MICAL2: variants seen among roughly 807,000 people sequenced by gnomAD.
MICAL2 encodes the protein [F-actin]-monooxygenase MICAL2.
MICAL2 carries 77 observed loss-of-function variants against 127.3 expected under a neutral mutation model. That is an observed-to-expected ratio of 0.60 (90% CI 0.50 to 0.73). The LOEUF is 0.73. Ranked by LOEUF, MICAL2 falls within the 30% of genes least tolerant of loss-of-function variation. The pLI is 0.00. For synonymous variants in MICAL2, 570 were observed against 551.1 expected (o/e 1.03, Z -0.48); for missense variants, 1,351 against 1,434.4 (o/e 0.94, Z 0.94).
At chr11:12,227,334 C>T (rs977075961) in intron 15 of MICAL2, 13 of 540,832 alleles carry the variant, frequency 2.4e-5, no homozygotes, top group Non-Finnish European at 4.3e-5. Flanking sequence ...TCAATGACTT[C>T]AAAGTGGTTA....
chr11:12,245,260 T>G (rs1235506028), intron 21 of MICAL2, among the ~76,000 whole-genome samples: 1 of 151,712 alleles, frequency 6.6e-6, no homozygotes, highest in Non-Finnish European at 1.5e-5. Flanking sequence ...TCACAGCCAG[T>G]GCGTCTGGCT....
At chr11:12,118,626 A>G (rs567909052) in intron 1 of MICAL2, among the ~76,000 whole-genome samples, 14 of 152,342 alleles carry the variant, frequency 9.2e-5, no homozygotes, top group Non-Finnish European at 2.1e-4. Flanking sequence ...GAATCTGAGA[A>G]TAAACCTCAG....
In MICAL2 at chr11:12,170,061, C is replaced by T. The variant is rs574787652; in HGVS notation, c.264+7642C>T. Among the ~76,000 whole-genome samples, 176 of 152,156 alleles carry T rather than the reference C, an allele frequency of 1.2e-3. 5 individuals carry two copies. In the South Asian group the frequency reaches 0.036, roughly 31 times the overall value. ...AGCAGTGAAGTGGCAGGGATTACTG[C>T]CATCCTTGTAACAACAACAGTTTTA... On this transcript the variant is annotated intron_variant, in intron 3 of 27. Transcript: ENST00000683283.
rs546905847 is a variant in MICAL2 at position 12,155,357 on chromosome 11, A to G, written c.-77-6722A>G. On this transcript the variant is annotated intron_variant, in intron 2 of 27. Coordinates refer to ENST00000683283, the MANE Select transcript of MICAL2 (RefSeq NM_001282663.2). ...ACACATACATGTACATACACATGCT[A>G]CATATACATGTGTATTTGCGCACAC... 2.6e-5 allele frequency among the ~76,000 whole-genome samples: 4 copies of G among 152,360 alleles called. No individual in the cohort carries two copies. In the South Asian group the frequency reaches 8.3e-4, roughly 32 times the overall value.
intron 2 of MICAL2, among the ~76,000 whole-genome samples, chr11:12,157,317 T>G (rs1854297514): frequency 6.6e-6 from 1 of 152,196 alleles, no homozygotes; most frequent in Non-Finnish European, 1.5e-5. Context: ...GGACTCTGCA[T>G]AAACCTTGAG....
intron 2 of MICAL2, among the ~76,000 whole-genome samples, chr11:12,156,105 G>T (rs75704435): frequency 1.3e-5 from 2 of 152,316 alleles, no homozygotes; most frequent in East Asian, 3.9e-4. Context: ...GGCATAGAAG[G>T]CCAGGGCCTG....
intron 32 of MICAL2, among the ~76,000 whole-genome samples, chr11:12,341,467 CAA>C (rs75906702): frequency 6.7e-6 from 1 of 149,946 alleles, no homozygotes; most frequent in Non-Finnish European, 1.5e-5. Context: ...TAAAAACAAA[CAA>C]AAAAAAAGAC....
At chr11:12,295,174 C>G (rs1278917457), downstream of MICAL2, among the ~76,000 whole-genome samples, 1 of 149,048 alleles carries the variant, frequency 6.7e-6, no homozygotes, top group Non-Finnish European at 1.5e-5. Context: ...GAGTCTCACT[C>G]TATCACCCAG....
At chr11:12,236,612 C>T (rs1007187705) in intron 16 of MICAL2, among the ~76,000 whole-genome samples, 1 of 152,222 alleles carries the variant, frequency 6.6e-6, no homozygotes, top group African/African-American at 2.4e-5. Context: ...CATCAGCACT[C>T]CCACTTTTCT....
In MICAL2 at chr11:12,220,239, C is replaced by A. The variant is rs757144184; in HGVS notation, c.987C>A (p.Asn329Lys). 4 of 1,614,190 alleles carry A rather than the reference C, an allele frequency of 2.5e-6. No individual in the cohort carries two copies. Among genetic ancestry groups the A allele is most frequent in the South Asian group, 1.1e-5 (1 of 91,076 alleles). ...IDTEMLLCAE[N>K]VNQDNLLSYA... ...CAGAGATGCTGCTGTGTGCGGAGAACGTGAACCAAGACAACCTGCTATCCT... is the reference window on the plus strand; with the variant it reads ...CAGAGATGCTGCTGTGTGCGGAGAAAGTGAACCAAGACAACCTGCTATCCT... The change falls in exon 9 of 28, where the codon AAC becomes AAA. Residue 329 changes from asparagine to lysine, a missense_variant. Asn to Lys is a moderately conservative substitution (Grantham distance 94, BLOSUM62 0). Around this residue, in one of 2 missense-constraint regions of MICAL2, gnomAD observed 599 missense variants for 714.9 expected, o/e 0.84. Transcript: ENST00000683283.
intron 21 of MICAL2, among the ~76,000 whole-genome samples, chr11:12,244,920 G>C (rs150395229): frequency 7.9e-4 from 120 of 152,354 alleles, no homozygotes; most frequent in African/African-American, 2.9e-3. Flanking sequence ...CTGTGTTCTA[G>C]AAGTACAGCT....
Position 12,168,497 on chromosome 11 carries a change from C to T in MICAL2, c.264+6078C>T, listed in dbSNP as rs189296623. 7.9e-5 allele frequency among the ~76,000 whole-genome samples: 12 copies of T among 151,264 alleles called. No individual in the cohort carries two copies. In the East Asian group the frequency reaches 1.8e-3, roughly 22 times the overall value. On this transcript the variant is annotated intron_variant, in intron 3 of 27. Coordinates refer to ENST00000683283, the MANE Select transcript of MICAL2 (RefSeq NM_001282663.2). ...ACTTATACACACATATACATGCATA[C>T]ATACCACACACATACATAACACCAC...
At chr11:12,239,031 AG>A (rs1291569932) in intron 16 of MICAL2, among the ~76,000 whole-genome samples, 2 of 152,126 alleles carry the variant, frequency 1.3e-5, no homozygotes, top group African/African-American at 4.8e-5. Flanking sequence ...TCCTCTTCTC[AG>A]CCAGATGATG....
At chr11:12,127,770 A>C (rs1219874641) in intron 1 of MICAL2, among the ~76,000 whole-genome samples, 1 of 151,982 alleles carries the variant, frequency 6.6e-6, no homozygotes, top group Non-Finnish European at 1.5e-5. Context: ...AGATCTCCCT[A>C]GTGGCTTTGT....
In MICAL2 at chr11:12,216,497, G is replaced by A. The variant is rs550836143; in HGVS notation, c.948+178G>A. ...ATGAGTATTGGATAAAGGAGCCCAC[G>A]CCAATATGCACAGAGAATTTTCTGC... is the stretch of plus-strand genomic sequence containing the variant. On this transcript the variant is annotated intron_variant, in intron 8 of 27. Transcript: ENST00000683283. 873 of 597,616 alleles carry A rather than the reference G, an allele frequency of 1.5e-3. 3 individuals are homozygous for A. Among genetic ancestry groups the A allele is most frequent in the Non-Finnish European group, 2.1e-3 (704 of 334,778 alleles). 37.0% of individuals were successfully genotyped at this position (597,616 alleles called of 1,614,324 possible). A position where few individuals can be genotyped will look rare whatever the true frequency, so the allele number is the denominator to read the frequency against.
chr11:12,305,699 A>G (rs1039960175), intron 29 of MICAL2, among the ~76,000 whole-genome samples: 1 of 152,146 alleles, frequency 6.6e-6, no homozygotes, highest in Non-Finnish European at 1.5e-5. Context: ...GATAACTGAA[A>G]CTGAGGCAAG....
intron 24 of MICAL2, among the ~76,000 whole-genome samples, chr11:12,257,845 G>A (rs1220062587): frequency 1.3e-5 from 2 of 152,164 alleles, no homozygotes; most frequent in South Asian, 2.1e-4. Context: ...GGCTTGTCTG[G>A]AAGGCGCACA....
intron 1 of MICAL2, among the ~76,000 whole-genome samples, chr11:12,130,542 A>G (rs1851329475): frequency 6.6e-6 from 1 of 152,228 alleles, no homozygotes; most frequent in Non-Finnish European, 1.5e-5. Context: ...CTTAAGCAGA[A>G]GAATCTCCTG....
intron 1 of MICAL2, among the ~76,000 whole-genome samples, chr11:12,136,680 G>A (rs931065891): frequency 6.6e-6 from 1 of 152,090 alleles, no homozygotes; most frequent in African/African-American, 2.4e-5. Context: ...ATTTGTTGGT[G>A]TTACAGGGAG....
Sources: allele counts gnomAD v4.1 joint callset (sites outside exome capture counted in the v4.1 genomes callset), GRCh38; gene constraint gnomAD v4.1.1; regional missense constraint gnomAD v4.1.1; transcripts MANE v1.5; gene names NCBI Gene and HGNC (gene_info 2026-07-23, HGNC 2026-07-21).